Variants in SRGAP3 observed in about 807,000 individuals in gnomAD.
SRGAP3 encodes SLIT-ROBO Rho GTPase-activating protein 3.
A neutral mutation model predicts 121.1 loss-of-function variants in SRGAP3; 39 were observed. The ratio of observed to expected loss-of-function variants is 0.32; its 90% CI spans 0.25 to 0.42. The LOEUF (loss-of-function observed/expected upper bound fraction) is 0.42. SRGAP3 is among the 10% of genes least tolerant of loss of function. The pLI is 1.00. For synonymous variants in SRGAP3, 601 were observed against 570.0 expected (o/e 1.05, Z -0.77); for missense variants, 1,213 against 1,470.6 (o/e 0.82, Z 2.86).
Position 9,218,460 on chromosome 3 carries a change from C to T in SRGAP3, c.67+30425G>A, listed in dbSNP as rs1360371769. On this transcript the variant is annotated intron_variant, in intron 1 of 21. Transcript: ENST00000383836. The surrounding 1 kb of genome is among the most constrained non-coding windows in gnomAD (Gnocchi z 5.3). ...GCCCAGCCCCAAGCCCAGGGCAGAT[C>T]TGATACTCTCCTGCTGACCCTGACA... The T allele has an allele frequency of 1.3e-5, 2 of 152,354 alleles. No homozygotes were observed. Among genetic ancestry groups the T allele is most frequent in the South Asian group, 2.1e-4 (1 of 4,824 alleles). 9.4% of individuals were successfully genotyped at this position (152,354 alleles called of 1,614,324 possible).
At chr3:9,058,506 G>C in intron 6 of SRGAP3, 34 bp from the exon 7 acceptor site, 1 of 1,605,530 alleles carries the variant, frequency 6.2e-7, no homozygotes, top group Non-Finnish European at 8.5e-7. Flanking sequence ...GGTTATGGGT[G>C]ACAGCCAGGA....
At chr3:9,252,589 G>A (rs1220594578), upstream of SRGAP3, among the ~76,000 whole-genome samples, 1 of 152,128 alleles carries the variant, frequency 6.6e-6, no homozygotes, top group African/African-American at 2.4e-5. Flanking sequence ...TGTGTCCCCT[G>A]AAAAATCCAT....
chr3:9,036,134 TCTGAAGTGTGAGAAAAATATAACATG>T (rs1944730926), intron 11 of SRGAP3: 1 of 152,222 alleles, frequency 6.6e-6, no homozygotes, highest in African/African-American at 2.4e-5. Context: ...AAGATAAGGT[TCTGAAGTGTGAGAAAAATATAACATG>T]CTGCAGCCCA....
At chr3:9,129,649 T>C (rs1196663130) in intron 1 of SRGAP3, among the ~76,000 whole-genome samples, 1 of 152,250 alleles carries the variant, frequency 6.6e-6, no homozygotes, top group East Asian at 1.9e-4. Flanking sequence ...TTTCATTCTT[T>C]CATGCATGCC....
chr3:9,016,258 C>A (rs1414685510), intron 14 of SRGAP3, among the ~76,000 whole-genome samples: 1 of 152,178 alleles, frequency 6.6e-6, no homozygotes, highest in African/African-American at 2.4e-5. Flanking sequence ...AAGATCTAAT[C>A]AACATTCACA....
chr3:9,320,347 G>A (rs1955419043), intron 3 of SRGAP3, among the ~76,000 whole-genome samples: 1 of 151,972 alleles, frequency 6.6e-6, no homozygotes, highest in Non-Finnish European at 1.5e-5. Context: ...AATGTTGGAG[G>A]TGGGGCCTGG....
At chr3:9,351,689 C>T (rs1472540275) in intron 1 of SRGAP3, among the ~76,000 whole-genome samples, 1 of 152,148 alleles carries the variant, frequency 6.6e-6, no homozygotes, top group Non-Finnish European at 1.5e-5. Context: ...TGTTTAGATA[C>T]ACATATACTT....
chr3:9,015,622 C>T lies in SRGAP3; in HGVS notation c.1788G>A (p.Arg596=). The change falls in exon 15 of 22, where the codon AGG becomes AGA. Residue 596 remains arginine, a synonymous_variant. Transcript: ENST00000383836. ...GLENPLFPKE[R]FQDLISTIKL... The stretch of plus-strand genomic sequence containing the variant: ...TAATAGTAGATATCAAATCTTGAAA[C>T]CTTTCCTTAGGAAAGAGTGGGTTTT... 6.2e-7 allele frequency: 1 copy of T among 1,614,124 alleles called. No homozygotes were observed. The highest frequency in any genetic ancestry group is 8.5e-7 in the Non-Finnish European group (1 of 1,179,996).
chr3:9,050,879 G>GA (rs1004414165), intron 9 of SRGAP3, among the ~76,000 whole-genome samples: 4 of 152,220 alleles, frequency 2.6e-5, no homozygotes, highest in Non-Finnish European at 4.4e-5. Flanking sequence ...GAGTGTTGGA[G>GA]AAAATGTAGT....
At chr3:9,128,000 G>A (rs1303469156) in intron 1 of SRGAP3, among the ~76,000 whole-genome samples, 2 of 151,824 alleles carry the variant, frequency 1.3e-5, no homozygotes, top group Non-Finnish European at 2.9e-5. Context: ...AACTCATCAA[G>A]ATGCATAAAT....
At chr3:9,223,276 TA>T (rs1952874302) in intron 1 of SRGAP3, among the ~76,000 whole-genome samples, 1 of 152,260 alleles carries the variant, frequency 6.6e-6, no homozygotes, top group South Asian at 2.1e-4. Flanking sequence ...CCACAAAGCC[TA>T]AAATGTTTAT....
chr3:9,152,501 C>T (rs577294384), intron 1 of SRGAP3, among the ~76,000 whole-genome samples: 8 of 152,338 alleles, frequency 5.3e-5, no homozygotes, highest in East Asian at 3.9e-4. Flanking sequence ...GCCCAGCTGA[C>T]GGCCACCTTG....
At chr3:9,103,155 C>T (rs749424350) in intron 3 of SRGAP3, among the ~76,000 whole-genome samples, 1 of 152,194 alleles carries the variant, frequency 6.6e-6, no homozygotes, top group Non-Finnish European at 1.5e-5. Context: ...CCTGCGATTA[C>T]ACTTTTGCTA....
At chr3:9,203,096 T>C (rs1030660008) in intron 1 of SRGAP3, among the ~76,000 whole-genome samples, 2 of 152,154 alleles carry the variant, frequency 1.3e-5, no homozygotes, top group African/African-American at 2.4e-5. Flanking sequence ...AGGGAACTTA[T>C]TGCACAGAAG....
At chr3:9,209,216 A>T (rs1303373516) in intron 1 of SRGAP3, among the ~76,000 whole-genome samples, 2 of 152,360 alleles carry the variant, frequency 1.3e-5, no homozygotes, top group East Asian at 3.9e-4. Context: ...ATGATTACTT[A>T]AAAATGTAAA....
At chr3:9,100,648 A>C (rs1948180012) in intron 3 of SRGAP3, among the ~76,000 whole-genome samples, 1 of 152,226 alleles carries the variant, frequency 6.6e-6, no homozygotes, top group South Asian at 2.1e-4. Flanking sequence ...GGCTGCATTA[A>C]AAAACAATTG....
chr3:9,064,205 G>A (rs965499645), intron 5 of SRGAP3, among the ~76,000 whole-genome samples, 191 bp downstream of exon 5: 7 of 152,338 alleles, frequency 4.6e-5, no homozygotes, highest in East Asian at 3.9e-4. Context: ...GGGCATGCCT[G>A]GCTCCGCTTC....
At chr3:9,057,948 C>G (rs1017335071) in intron 7 of SRGAP3, among the ~76,000 whole-genome samples, 9 of 152,106 alleles carry the variant, frequency 5.9e-5, no homozygotes, top group Non-Finnish European at 7.4e-5. Flanking sequence ...GGACCTCACC[C>G]GCACATGTGG....
At chr3:9,056,210 A>G (rs760336475) in intron 8 of SRGAP3, 23 bp downstream of exon 8, 1 of 1,612,466 alleles carries the variant, frequency 6.2e-7, no homozygotes. Context: ...AAAATCCCTT[A>G]TAGGGCAGAG....
Sources: allele counts gnomAD v4.1 joint callset (sites outside exome capture counted in the v4.1 genomes callset), GRCh38; gene constraint gnomAD v4.1.1; non-coding constraint Gnocchi (gnomAD v3.1); transcripts MANE v1.5; gene names NCBI Gene and HGNC (gene_info 2026-07-23, HGNC 2026-07-21).